The following CHL1 variants were observed in gnomAD, a reference collection of about 807,000 sequenced individuals.
The protein encoded by CHL1 is cell adhesion molecule L1 like, also known as neural cell adhesion molecule L1-like protein.
Under a neutral mutation model 141.9 loss-of-function variants are expected in CHL1, and 96 were observed. The ratio of observed to expected loss-of-function variants is 0.68; its 90% confidence interval spans 0.57 to 0.80. The LOEUF (loss-of-function observed/expected upper bound fraction) is 0.80, where lower values mean the gene tolerates loss of function less well. CHL1 is among the 30% of genes least tolerant of loss of function. The pLI, the probability that CHL1 is intolerant of heterozygous loss-of-function variation, is 0.00. For synonymous variants in CHL1, 613 were observed against 502.2 expected, an observed-to-expected ratio of 1.22 and a Z score of -2.95; for missense variants, 1,820 against 1,457.2, an observed-to-expected ratio of 1.25 and a Z score of -4.05.
At chr3:401,991 T>G (rs1465545496) in intron 27 of CHL1, among the ~76,000 whole-genome samples, 1 of 152,172 alleles carries the variant, frequency 6.6e-6, no homozygotes. Flanking sequence ...AAAACATCTA[T>G]AGCATGGCCA....
chr3:256,229 C>T (rs1694153754), intron 2 of CHL1, among the ~76,000 whole-genome samples: 1 of 149,770 alleles, frequency 6.7e-6, no homozygotes, highest in Non-Finnish European at 1.5e-5. Context: ...TATAGTATGA[C>T]TTTGATAGGT....
chr3:407,553 C>G lies in CHL1; in HGVS notation c.*1842C>G, dbSNP rs959535276. On this transcript the variant is annotated 3_prime_UTR_variant, in exon 28 of 28. Coordinates refer to ENST00000256509, the MANE Select transcript of CHL1 (RefSeq NM_006614.4). ...TAGACATCCATCAGTGCAACTCGAGCTCCATCCTCCTCCGATTTCTAAGGT... is the reference window on the plus strand; with the variant it reads ...TAGACATCCATCAGTGCAACTCGAGGTCCATCCTCCTCCGATTTCTAAGGT... 6.6e-6 allele frequency: 1 copy of G among 152,112 alleles called. No individual in the cohort carries two copies. Among genetic ancestry groups the G allele is most frequent in the Non-Finnish European group, 1.5e-5 (1 of 68,038 alleles). 9.4% of individuals were successfully genotyped at this position (152,112 alleles called of 1,614,324 possible).
At chr3:277,105 G>A (rs1696208756) in intron 2 of CHL1, among the ~76,000 whole-genome samples, 1 of 152,048 alleles carries the variant, frequency 6.6e-6, no homozygotes, top group Non-Finnish European at 1.5e-5. Flanking sequence ...ACTTAGAACA[G>A]TGCCTGATAC....
chr3:382,449 AT>A (rs777801464), intron 17 of CHL1, 24 bp from the exon 18 acceptor site: 5 of 1,593,370 alleles, frequency 3.1e-6, no homozygotes, highest in Admixed American at 1.7e-5. Flanking sequence ...ACATTCTAAT[AT>A]TTTTTCCCTG....
chr3:260,525 G>A (rs1354099001), intron 2 of CHL1, among the ~76,000 whole-genome samples: 1 of 152,114 alleles, frequency 6.6e-6, no homozygotes, highest in Non-Finnish European at 1.5e-5. Flanking sequence ...CATGGTTGAG[G>A]ATTCACTCCC....
intron 1 of CHL1, among the ~76,000 whole-genome samples, chr3:216,369 T>C (rs1700321374): frequency 6.6e-6 from 1 of 152,248 alleles, no homozygotes; most frequent in Non-Finnish European, 1.5e-5. Context: ...ATGTGACAAT[T>C]GAAAAAGTCT....
At chr3:306,902 C>T (rs1176533700) in intron 2 of CHL1, among the ~76,000 whole-genome samples, 1 of 152,068 alleles carries the variant, frequency 6.6e-6, no homozygotes, top group Non-Finnish European at 1.5e-5. Flanking sequence ...TCCTTAAGTG[C>T]CTTTTGATGA....
intron 1 of CHL1, among the ~76,000 whole-genome samples, chr3:241,322 C>G (rs900805336): frequency 1.3e-5 from 2 of 152,196 alleles, no homozygotes; most frequent in African/African-American, 4.8e-5. Flanking sequence ...CACCATTTCT[C>G]TTGCTGAGCA....
At chr3:223,342 C>A (rs373224315) in intron 1 of CHL1, among the ~76,000 whole-genome samples, 13 of 152,196 alleles carry the variant, frequency 8.5e-5, no homozygotes, top group South Asian at 2.1e-4. Context: ...GATAAACATC[C>A]TCTAAATATT....
chr3:401,696 C>CAGGTAAACATA lies in CHL1; in HGVS notation c.3458+3_3458+13dup. On this transcript the variant is annotated stop_gained and frameshift_variant and splice_region_variant, in exon 27 of 28. Coordinates refer to ENST00000256509, the MANE Select transcript of CHL1 (RefSeq NM_006614.4). LOFTEE classifies it high-confidence loss of function. Reference sequence around the variant, plus strand: ...TAAAAGATGAAACCTTTGGTGAATACAGGTAAACATAAGGTTCTGTTGTAA... The same window carrying CAGGTAAACATA: ...TAAAAGATGAAACCTTTGGTGAATACAGGTAAACATAAGGTAAACATAAGGTTCTGTTGTAA... The CAGGTAAACATA allele has an allele frequency of 6.5e-7, 1 of 1,548,570 alleles. No individual in the cohort carries two copies.
intron 4 of CHL1, 37 bp downstream of exon 4, chr3:326,101 C>A (rs368140714): frequency 1.6e-6 from 2 of 1,281,384 alleles, no homozygotes; most frequent in South Asian, 1.2e-5. Context: ...TCTTTAAATG[C>A]GTGCTGTTCT....
intron 1 of CHL1, among the ~76,000 whole-genome samples, chr3:231,094 G>A (rs1055538798): frequency 6.6e-6 from 1 of 152,112 alleles, no homozygotes; most frequent in Non-Finnish European, 1.5e-5. Context: ...AGTACCAGAA[G>A]GGTGAATTTT....
intron 15 of CHL1, among the ~76,000 whole-genome samples, chr3:371,642 G>T (rs1348195006): frequency 6.6e-6 from 1 of 152,132 alleles, no homozygotes; most frequent in Non-Finnish European, 1.5e-5. Context: ...ATTTGATCCT[G>T]TCATCATGAT....
At chr3:392,062 T>C (rs577376793) in intron 23 of CHL1, among the ~76,000 whole-genome samples, 2 of 152,156 alleles carry the variant, frequency 1.3e-5, no homozygotes, top group African/African-American at 4.8e-5. Context: ...AGTGGCAAAG[T>C]TGAGTCATCT....
chr3:374,758 C>G (rs3773384), intron 15 of CHL1, among the ~76,000 whole-genome samples: 3 of 151,972 alleles, frequency 2.0e-5, no homozygotes, highest in African/African-American at 4.8e-5. Context: ...AGGGCATGCA[C>G]GGTGATATAG....
chr3:400,880 T>C (rs1709070600), intron 26 of CHL1, among the ~76,000 whole-genome samples: 1 of 147,960 alleles, frequency 6.8e-6, no homozygotes, highest in Non-Finnish European at 1.5e-5. Flanking sequence ...AAGAGTGATG[T>C]ATAACAACCA....
At chr3:295,560 CT>C (rs897384432) in intron 2 of CHL1, among the ~76,000 whole-genome samples, 1 of 151,622 alleles carries the variant, frequency 6.6e-6, no homozygotes, top group South Asian at 2.1e-4. Context: ...GGAAGTAACT[CT>C]TTTTTTTTCT....
chr3:406,780 A>G lies in CHL1; in HGVS notation c.*1069A>G, dbSNP rs1455966644. On this transcript the variant is annotated 3_prime_UTR_variant, in exon 28 of 28. Transcript: ENST00000256509. ...GAGGTTCCAAAGCTGAAGACTTTGTATAAAGTATTTGGGTTTTGTTCTTGT... is the reference window on the plus strand; with the variant it reads ...GAGGTTCCAAAGCTGAAGACTTTGTGTAAAGTATTTGGGTTTTGTTCTTGT... 6.6e-6 allele frequency: 1 copy of G among 152,130 alleles called. No homozygotes were observed. Among genetic ancestry groups the G allele is most frequent in the Non-Finnish European group, 1.5e-5 (1 of 68,016 alleles). The allele number at this position is 152,130 out of a possible 1,614,324, so 9.4% of individuals were successfully genotyped here. A position where few individuals can be genotyped will look rare whatever the true frequency, so the allele number is the denominator to read the frequency against.
At chr3:263,989 GT>G (rs1694956102) in intron 2 of CHL1, among the ~76,000 whole-genome samples, 1 of 152,198 alleles carries the variant, frequency 6.6e-6, no homozygotes, top group African/African-American at 2.4e-5. Context: ...AAGACGGATA[GT>G]ATTGATGGAC....
Sources: allele counts gnomAD v4.1 joint callset (sites outside exome capture counted in the v4.1 genomes callset), GRCh38; gene constraint gnomAD v4.1.1; transcripts MANE v1.5; gene names NCBI Gene and HGNC (gene_info 2026-07-23, HGNC 2026-07-21).